The following TRAF3IP1 variants were observed in gnomAD, a reference collection of about 807,000 sequenced individuals.
TRAF3IP1 encodes the protein intraflagellar transport 54.
In TRAF3IP1, 53 loss-of-function variants were observed where a neutral mutation model predicts 89.9. The observed-to-expected ratio is 0.59, with a 90% CI of 0.47 to 0.74. The LOEUF (loss-of-function observed/expected upper bound fraction) is 0.74. Ranked by LOEUF, TRAF3IP1 falls within the 30% of genes least tolerant of loss-of-function variation. The pLI is 0.00. For missense variants in TRAF3IP1, 806 were observed against 866.1 expected, an observed-to-expected ratio of 0.93 and a Z score of 0.87; for synonymous variants, 311 against 322.1, an observed-to-expected ratio of 0.97 and a Z score of 0.37.
At position 238,399,009 on chromosome 2, in the gene TRAF3IP1, C is replaced by A; in HGVS notation, c.*90C>A. ...CATTACTCTTTTAAGTTCCAGTTTG[C>A]TAAGAAAATGAACAGTTTACAATGT... On this transcript the variant is annotated 3_prime_UTR_variant, in exon 17 of 17. Coordinates refer to ENST00000373327, the MANE Select transcript of TRAF3IP1 (RefSeq NM_015650.4). 1 of 1,212,596 alleles carries A rather than the reference C, an allele frequency of 8.2e-7. No homozygotes were observed. The highest frequency in any genetic ancestry group is 1.1e-6 in the Non-Finnish European group (1 of 871,680). 75.1% of individuals were successfully genotyped at this position (1,212,596 alleles called of 1,614,324 possible). A position where few individuals can be genotyped will look rare whatever the true frequency, so the allele number is the denominator to read the frequency against.
rs1007463044 is a variant in TRAF3IP1, at chr2:238,350,420, G to C, written c.1451+1012G>C. Among the ~76,000 whole-genome samples the C allele has an allele frequency of 2.6e-5, 4 of 152,222 alleles. No individual in the cohort carries two copies. In the South Asian group the frequency reaches 6.2e-4, roughly 24 times the overall value. On this transcript the variant is annotated intron_variant, in intron 12 of 16. Coordinates refer to ENST00000373327, the MANE Select transcript of TRAF3IP1 (RefSeq NM_015650.4). ...ATGCAGATTCTTAAGGTGATTTTCT[G>C]GTACTTATTTTTCTCATGAGCCGTA...
At chr2:238,350,223 T>C (rs1027533827) in intron 12 of TRAF3IP1, among the ~76,000 whole-genome samples, 1 of 151,874 alleles carries the variant, frequency 6.6e-6, no homozygotes, top group African/African-American at 2.4e-5. Flanking sequence ...GGAATAAGAC[T>C]AGAAAGTGGG....
At chr2:238,337,721 T>A (rs987297309) in intron 7 of TRAF3IP1, among the ~76,000 whole-genome samples, 3 of 152,126 alleles carry the variant, frequency 2.0e-5, no homozygotes, top group Admixed American at 6.5e-5. Flanking sequence ...TGAGATTCAT[T>A]GTGGGAGGGG....
Position 238,320,799 on chromosome 2 carries a change from A to G in TRAF3IP1, c.123+14A>G, listed in dbSNP as rs112673616. The G allele has an allele frequency of 0.078, 108,957 of 1,399,436 alleles. 4,797 individuals are homozygous for G. Among genetic ancestry groups the G allele is most frequent in the Non-Finnish European group, 0.085 (90,448 of 1,060,442 alleles). 86.7% of individuals were successfully genotyped at this position (1,399,436 alleles called of 1,614,324 possible). ...ATCATCACGGAGGTGGGCGCCGGGG[A>G]CCGGGCCCGGCCAGGTGCGGGTCGG... On this transcript the variant is annotated intron_variant, in intron 1 of 16. Coordinates refer to ENST00000373327, the MANE Select transcript of TRAF3IP1 (RefSeq NM_015650.4).
intron 3 of TRAF3IP1, among the ~76,000 whole-genome samples, 180 bp from the exon 4 acceptor site, chr2:238,328,506 T>C (rs992942842): frequency 6.6e-6 from 1 of 152,240 alleles, no homozygotes; most frequent in South Asian, 2.1e-4. Flanking sequence ...GTAATAGTTA[T>C]CAAGATATGC....
chr2:238,375,077 C>G (rs935755757), intron 15 of TRAF3IP1, among the ~76,000 whole-genome samples: 1 of 152,144 alleles, frequency 6.6e-6, no homozygotes, highest in African/African-American at 2.4e-5. Flanking sequence ...TTTCAAAAAA[C>G]CAGCTCCTGG....
In TRAF3IP1 at chr2:238,400,864, G is replaced by A. The variant is rs927758670; in HGVS notation, c.*1945G>A. On this transcript the variant is annotated 3_prime_UTR_variant, in exon 17 of 17. Coordinates refer to ENST00000373327, the MANE Select transcript of TRAF3IP1 (RefSeq NM_015650.4). ...CATAAAGTTTATTTTTCTTTTATAC[G>A]TAAATCATTAAAAATAATCACATAT... 10 of 152,092 alleles carry A rather than the reference G, an allele frequency of 6.6e-5. No homozygotes were observed. The highest frequency in any genetic ancestry group is 1.2e-4 in the African/African-American group (5 of 41,406). The allele number at this position is 152,092 out of a possible 1,614,324, so 9.4% of individuals were successfully genotyped here.
At chr2:238,323,850 G>A (rs1313393907) in intron 1 of TRAF3IP1, among the ~76,000 whole-genome samples, 1 of 152,122 alleles carries the variant, frequency 6.6e-6, no homozygotes, top group East Asian at 1.9e-4. Context: ...TGGGTGTGGT[G>A]GTTGAGAGGA....
intron 12 of TRAF3IP1, among the ~76,000 whole-genome samples, 163 bp from the exon 13 acceptor site, chr2:238,352,660 CTGTT>C (rs1699225383): frequency 1.3e-5 from 2 of 152,170 alleles, no homozygotes; most frequent in South Asian, 2.1e-4. Context: ...GCAGAGGACA[CTGTT>C]TGCAGACAGT....
chr2:238,351,883 G>T lies in TRAF3IP1; in HGVS notation c.1452-944G>T, dbSNP rs187419972. On this transcript the variant is annotated intron_variant, in intron 12 of 16. Transcript: ENST00000373327. This position sits in a 1 kb window ranked among gnomAD's most constrained non-coding sequence, Gnocchi z 5.2. Reference sequence around the variant, plus strand: ...TGTGTGTGTGCGCGCGCGCGCGTGTGCGTGCATGTGCTTGTGTGTATGCGT... The same window carrying T: ...TGTGTGTGTGCGCGCGCGCGCGTGTTCGTGCATGTGCTTGTGTGTATGCGT... Among the ~76,000 whole-genome samples the T allele has an allele frequency of 9.8e-4, 148 of 151,418 alleles. 2 individuals carry two copies. The highest frequency in any genetic ancestry group is 1.6e-4 in the Non-Finnish European group (11 of 67,730).
At chr2:238,397,215 T>C (rs942344192) in intron 15 of TRAF3IP1, among the ~76,000 whole-genome samples, 1 of 152,174 alleles carries the variant, frequency 6.6e-6, no homozygotes, top group African/African-American at 2.4e-5. Flanking sequence ...CCCATCCCCA[T>C]TGAGCAGGGA....
intron 8 of TRAF3IP1, among the ~76,000 whole-genome samples, chr2:238,343,247 G>T (rs1016022217): frequency 6.6e-6 from 1 of 151,876 alleles, no homozygotes; most frequent in East Asian, 1.9e-4. Context: ...CACCACACCC[G>T]GCTAATTTTT....
chr2:238,330,410 C>T (rs372743767), intron 5 of TRAF3IP1, among the ~76,000 whole-genome samples: 96 of 152,288 alleles, frequency 6.3e-4, no homozygotes, highest in African/African-American at 1.8e-3. Context: ...CACCCAGACA[C>T]GCATTCTTTG....
In TRAF3IP1 at chr2:238,379,370, C is replaced by G. The variant is rs1700453659; in HGVS notation, c.1690-18089C>G. ...CATGCGACTGACTGAGACCATGCAG[C>G]TGGCTGTCAGGATGCTGGTGGAGGG... On this transcript the variant is annotated intron_variant, in intron 15 of 16. Transcript: ENST00000373327. The surrounding 1 kb of genome is among the most constrained non-coding windows in gnomAD (Gnocchi z 4.0). Among the ~76,000 whole-genome samples, 1 of 152,212 alleles carries G rather than the reference C, an allele frequency of 6.6e-6. No individual in the cohort carries two copies.
intron 9 of TRAF3IP1, 158 bp from the exon 10 acceptor site, chr2:238,347,297 A>G: frequency 1.4e-6 from 1 of 705,224 alleles, no homozygotes; most frequent in Non-Finnish European, 2.5e-6. Context: ...AAATGGCAAT[A>G]GGGACATTAG....
intron 15 of TRAF3IP1, among the ~76,000 whole-genome samples, chr2:238,389,087 G>A (rs1277609707): frequency 1.3e-5 from 2 of 152,118 alleles, no homozygotes; most frequent in East Asian, 3.9e-4. Flanking sequence ...GCTTAATGTC[G>A]GGTAGAGCTC....
chr2:238,378,795 AC>A (rs141502671), intron 15 of TRAF3IP1, among the ~76,000 whole-genome samples: 2,915 of 147,670 alleles, frequency 0.02, 69 homozygotes, highest in African/African-American at 0.058. Flanking sequence ...TGAAGCCGGG[AC>A]CCCCCCCCAG....
At chr2:238,328,586 A>C in intron 3 of TRAF3IP1, 100 bp from the exon 4 acceptor site, 1 of 1,334,924 alleles carries the variant, frequency 7.5e-7, no homozygotes. Flanking sequence ...TAGACAGAGA[A>C]TCTGTCTCAT....
intron 3 of TRAF3IP1, among the ~76,000 whole-genome samples, 166 bp downstream of exon 3, chr2:238,326,136 CAGA>C (rs1275786154): frequency 6.6e-6 from 1 of 152,202 alleles, no homozygotes; most frequent in African/African-American, 2.4e-5. Context: ...CCCAGAGATA[CAGA>C]AGGAGTAATT....
Sources: allele counts gnomAD v4.1 joint callset (sites outside exome capture counted in the v4.1 genomes callset), GRCh38; gene constraint gnomAD v4.1.1; non-coding constraint Gnocchi (gnomAD v3.1); transcripts MANE v1.5; gene names NCBI Gene and HGNC (gene_info 2026-07-23, HGNC 2026-07-21).